CCDC85C: variants seen among roughly 807,000 people sequenced by gnomAD.
CCDC85C encodes the protein coiled-coil domain containing 85C.
Under a neutral mutation model 38.3 loss-of-function variants are expected in CCDC85C, and 18 were observed. That is an observed-to-expected ratio of 0.47 (90% CI 0.33 to 0.70). The LOEUF is 0.70. Among genes scored for constraint, CCDC85C ranks in the 30% least tolerant of loss-of-function variants. The probability of loss-of-function intolerance (pLI) is 0.03; values close to 1 mark genes in which losing one functional copy is unlikely to be tolerated. For missense variants in CCDC85C, 566 were observed against 621.2 expected (o/e 0.91, Z 0.94); for synonymous variants, 264 against 293.8 (o/e 0.90, Z 1.04).
At chr14:99,574,116 C>A (rs1898418562) in intron 1 of CCDC85C, among the ~76,000 whole-genome samples, 1 of 152,144 alleles carries the variant, frequency 6.6e-6, no homozygotes, top group South Asian at 2.1e-4. Context: ...GACAGGAGTG[C>A]TGCTCTGTCC....
chr14:99,592,755 G>C (rs921580378), intron 1 of CCDC85C, among the ~76,000 whole-genome samples: 2 of 152,228 alleles, frequency 1.3e-5, no homozygotes, highest in Admixed American at 6.5e-5. Context: ...GGGGCTCTGT[G>C]TTGCTTTGGA....
intron 1 of CCDC85C, among the ~76,000 whole-genome samples, chr14:99,562,137 C>T (rs80071266): frequency 0.019 from 2,827 of 152,266 alleles, 92 homozygotes; most frequent in East Asian, 0.085. Context: ...GGGAAAAGGC[C>T]ACCCTTCCAC....
chr14:99,594,816 C>T (rs11847690), intron 1 of CCDC85C, among the ~76,000 whole-genome samples: 68,412 of 152,024 alleles, frequency 0.45, 17,111 homozygotes, highest in Non-Finnish European at 0.55. Context: ...CTGTCTGGAT[C>T]GTCCAATCCA....
intron 1 of CCDC85C, among the ~76,000 whole-genome samples, chr14:99,549,196 C>A (rs1897860263): frequency 6.6e-6 from 1 of 152,226 alleles, no homozygotes; most frequent in Admixed American, 6.5e-5. Context: ...AAGCTTATTG[C>A]TTTTTATCTA....
chr14:99,502,364 G>T lies in CCDC85C; in HGVS notation c.*12882C>A, dbSNP rs767256145. 6.2e-7 allele frequency: 1 copy of T among 1,613,490 alleles called. No homozygotes were observed. The highest frequency in any genetic ancestry group is 8.5e-7 in the Non-Finnish European group (1 of 1,179,742). On this transcript the variant is annotated 3_prime_UTR_variant, in exon 6 of 6. Coordinates refer to ENST00000380243, the MANE Select transcript of CCDC85C (RefSeq NM_001144995.2). ...GCAGTTTGTTCAAGATGTCCCGGTCGACGTTTTGGAAGGTACCAGGCATGC... is the reference window on the plus strand; with the variant it reads ...GCAGTTTGTTCAAGATGTCCCGGTCTACGTTTTGGAAGGTACCAGGCATGC...
chr14:99,575,431 G>A (rs1158432126), intron 1 of CCDC85C, among the ~76,000 whole-genome samples: 1 of 152,196 alleles, frequency 6.6e-6, no homozygotes, highest in Non-Finnish European at 1.5e-5. Context: ...CCTTCTGTTG[G>A]TAACACACCT....
rs536255096 is a variant in CCDC85C, at chr14:99,529,990, G to A, written c.867+6025C>T. Among the ~76,000 whole-genome samples the A allele has an allele frequency of 2.0e-5, 3 of 152,360 alleles. No individual in the cohort carries two copies. In the South Asian group the frequency reaches 6.2e-4, roughly 32 times the overall value. On this transcript the variant is annotated intron_variant, in intron 2 of 5. Transcript: ENST00000380243. ...CCCATTTTGCAGAGGGGGAAACTGA[G>A]GTGCAGAGAGGTTAAGCGACCTGTT...
chr14:99,595,564 T>C (rs1175152217), intron 1 of CCDC85C, among the ~76,000 whole-genome samples: 1 of 152,098 alleles, frequency 6.6e-6, no homozygotes, highest in Non-Finnish European at 1.5e-5. Flanking sequence ...ACTAACTCCA[T>C]CTTCAAGGCC....
chr14:99,602,678 C>T (rs1186609859), intron 1 of CCDC85C, among the ~76,000 whole-genome samples: 2 of 152,174 alleles, frequency 1.3e-5, no homozygotes, highest in African/African-American at 2.4e-5. Context: ...GTGCACCTTC[C>T]CAATCCCCAC....
intron 1 of CCDC85C, among the ~76,000 whole-genome samples, chr14:99,540,453 A>T (rs1391757448): frequency 6.6e-6 from 1 of 151,984 alleles, no homozygotes; most frequent in Non-Finnish European, 1.5e-5. Flanking sequence ...CAGCCTCAAA[A>T]CTCGTGATCC....
chr14:99,526,638 C>T (rs1460018268), intron 2 of CCDC85C, among the ~76,000 whole-genome samples: 1 of 152,160 alleles, frequency 6.6e-6, no homozygotes, highest in Non-Finnish European at 1.5e-5. Flanking sequence ...AACACCCCGT[C>T]CCCAAGACCT....
In CCDC85C at chr14:99,576,001, C is replaced by T. The variant is rs1898467899; in HGVS notation, c.793+27166G>A. Among the ~76,000 whole-genome samples the T allele has an allele frequency of 6.6e-6, 1 of 152,232 alleles. No homozygotes were observed. The highest frequency in any genetic ancestry group is 2.4e-5 in the African/African-American group (1 of 41,456). Reference sequence around the variant, plus strand: ...CCACTCCCTTCCAGAAACTGAGCTGCAACAGAAAACCCGGGGGAAACCCGC... The same window carrying T: ...CCACTCCCTTCCAGAAACTGAGCTGTAACAGAAAACCCGGGGGAAACCCGC... On this transcript the variant is annotated intron_variant, in intron 1 of 5. Coordinates refer to ENST00000380243, the MANE Select transcript of CCDC85C (RefSeq NM_001144995.2). This position sits in a 1 kb window ranked among gnomAD's most constrained non-coding sequence, Gnocchi z 4.8.
At chr14:99,552,588 C>T (rs1030822642) in intron 1 of CCDC85C, among the ~76,000 whole-genome samples, 4 of 152,214 alleles carry the variant, frequency 2.6e-5, no homozygotes, top group African/African-American at 9.7e-5. Flanking sequence ...TGGAGAGGGT[C>T]CTGGCCAGCT....
chr14:99,547,035 C>G (rs896402077), intron 1 of CCDC85C, among the ~76,000 whole-genome samples: 1 of 151,436 alleles, frequency 6.6e-6, no homozygotes, highest in African/African-American at 2.4e-5. Context: ...CACTTTTTTT[C>G]CTGAGGTCAG....
chr14:99,500,758 A>G lies in CCDC85C; in HGVS notation c.*14488T>C. The stretch of plus-strand genomic sequence containing the variant: ...ATTACTGTCCTAACATTTGTGATTG[A>G]TTTTTAGGAGGAAGTAATGGTTCTG... On this transcript the variant is annotated 3_prime_UTR_variant, in exon 6 of 6. Coordinates refer to ENST00000380243, the MANE Select transcript of CCDC85C (RefSeq NM_001144995.2). 1 of 1,531,314 alleles carries G rather than the reference A, an allele frequency of 6.5e-7. No individual in the cohort carries two copies. Among genetic ancestry groups the G allele is most frequent in the Non-Finnish European group, 8.9e-7 (1 of 1,125,846 alleles). 94.9% of individuals were successfully genotyped at this position (1,531,314 alleles called of 1,614,324 possible).
At chr14:99,519,819 A>G (rs181359616) in intron 3 of CCDC85C, among the ~76,000 whole-genome samples, 144 of 152,378 alleles carry the variant, frequency 9.5e-4, no homozygotes, top group African/African-American at 3.3e-3. Context: ...ACGTCATGTG[A>G]TTCCATTTAT....
rs1897113031 is a variant in CCDC85C at position 99,510,828 on chromosome 14, T to TC, written c.*4417dup. Reference sequence around the variant, plus strand: ...TTGTTTTTTTAACAAGATTTTCTAATCGACTTGCAGAGTAGTTGAAGTGGG... The same window carrying TC: ...TTGTTTTTTTAACAAGATTTTCTAATCCGACTTGCAGAGTAGTTGAAGTGGG... On this transcript the variant is annotated 3_prime_UTR_variant, in exon 6 of 6. Transcript: ENST00000380243. 1.4e-6 allele frequency: 2 copies of TC among 1,380,244 alleles called. No individual in the cohort carries two copies. Among genetic ancestry groups the TC allele is most frequent in the African/African-American group, 3.0e-5 (2 of 67,558 alleles). The allele number at this position is 1,380,244 out of a possible 1,614,324, so 85.5% of individuals were successfully genotyped here. A position where few individuals can be genotyped will look rare whatever the true frequency, so the allele number is the denominator to read the frequency against.
chr14:99,600,925 T>C (rs1192632453), intron 1 of CCDC85C, among the ~76,000 whole-genome samples: 1 of 152,174 alleles, frequency 6.6e-6, no homozygotes, highest in Non-Finnish European at 1.5e-5. Flanking sequence ...CTTGGGAGGC[T>C]GAGCTGGGAG....
Position 99,500,839 on chromosome 14 carries a change from A to G in CCDC85C, c.*14407T>C. 1 of 1,558,334 alleles carries G rather than the reference A, an allele frequency of 6.4e-7. No individual in the cohort carries two copies. The highest frequency in any genetic ancestry group is 8.7e-7 in the Non-Finnish European group (1 of 1,149,836). ...GATTTACAGGTAGAACATCCATACCAGTTCCTACTAAAATATGCAAAGCAA... is the reference window on the plus strand; with the variant it reads ...GATTTACAGGTAGAACATCCATACCGGTTCCTACTAAAATATGCAAAGCAA... On this transcript the variant is annotated 3_prime_UTR_variant, in exon 6 of 6. Coordinates refer to ENST00000380243, the MANE Select transcript of CCDC85C (RefSeq NM_001144995.2).
Sources: gnomAD v4.1 joint callset for allele counts (sites outside exome capture counted in the v4.1 genomes callset) on GRCh38, gnomAD v4.1.1 for gene constraint, Gnocchi (gnomAD v3.1) non-coding constraint, MANE v1.5 for transcripts, NCBI Gene and HGNC (gene_info 2026-07-23, HGNC 2026-07-21) for gene names.